The following SPATA22 variants were observed in gnomAD, a reference collection of about 807,000 sequenced individuals.
SPATA22 encodes the protein spermatogenesis-associated protein 22.
SPATA22 carries 29 observed loss-of-function variants against 47.8 expected under a neutral mutation model. That is an observed-to-expected ratio of 0.61 (90% CI 0.45 to 0.83). The LOEUF (loss-of-function observed/expected upper bound fraction) is 0.83, where lower values mean the gene tolerates loss of function less well. SPATA22 is among the 40% of genes least tolerant of loss of function. The pLI, the probability that SPATA22 is intolerant of heterozygous loss-of-function variation, is 0.00. For synonymous variants in SPATA22, 133 were observed against 140.9 expected, an observed-to-expected ratio of 0.94 and a Z score of 0.40; for missense variants, 410 against 421.7, an observed-to-expected ratio of 0.97 and a Z score of 0.24.
Position 3,471,770 on chromosome 17 carries a change from C to A in SPATA22, c.-162G>T, listed in dbSNP as rs2073443145. The A allele has an allele frequency of 3.0e-6, 3 of 985,674 alleles. No homozygotes were observed. In the African/African-American group the frequency reaches 5.2e-5, roughly 17 times the overall value. 61.1% of individuals were successfully genotyped at this position (985,674 alleles called of 1,614,324 possible). On this transcript the variant is annotated 5_prime_UTR_variant, in exon 1 of 9. Transcript: ENST00000572969. ...CCTCCGTCAACCGTCGTCCAGGCGG[C>A]CCCGTCAGCAACCGCCGCCCTTCCC...
At chr17:3,498,006 G>A (rs2073936665) in intron 1 of SPATA22, among the ~76,000 whole-genome samples, 1 of 152,100 alleles carries the variant, frequency 6.6e-6, no homozygotes, top group African/African-American at 2.4e-5. Context: ...GGACCCTTCA[G>A]ATAACTCAGT....
chr17:3,493,379 G>A (rs551801872), intron 1 of SPATA22, among the ~76,000 whole-genome samples: 1 of 151,960 alleles, frequency 6.6e-6, no homozygotes, highest in Non-Finnish European at 1.5e-5. Context: ...TGGCCAACAT[G>A]GTGAGACCCC....
chr17:3,440,183 C>A lies in SPATA22; in HGVS notation c.1056G>T (p.Glu352Asp), dbSNP rs1225350869. 2 of 1,608,162 alleles carry A rather than the reference C, an allele frequency of 1.2e-6. No individual in the cohort carries two copies. The highest frequency in any genetic ancestry group is 3.4e-5 in the Admixed American group (2 of 58,980). Residue 352 changes from glutamate (E) to aspartate (D), a missense_variant, in exon 9 of 9, where the codon GAG becomes GAT. Transcript: ENST00000572969. ...FQAFVKIADV[E>D]MQYYINVMNE... ...TCATCACATTAATATAATACTGCAT[C>A]TCAACATCTGCAATTTTGACAAATG... is the stretch of plus-strand genomic sequence containing the variant.
Position 3,462,726 on chromosome 17 carries a change from T to A in SPATA22, c.214A>T (p.Met72Leu). Residue 72 changes from methionine to leucine, a missense_variant, in exon 4 of 9, where the codon ATG becomes TTG. By Grantham distance (15) the Met-to-Leu change is conservative. Transcript: ENST00000572969. ...EAVNPELAPV[M>L]KTVDTGQIPH... Reference sequence around the variant, plus strand: ...ACATACCCGGTGTCCACTGTTTTCATTACAGGAGCCAACTCTGGATTCACA... The same window carrying A: ...ACATACCCGGTGTCCACTGTTTTCAATACAGGAGCCAACTCTGGATTCACA... 1 of 1,613,640 alleles carries A rather than the reference T, an allele frequency of 6.2e-7. No individual in the cohort carries two copies. The highest frequency in any genetic ancestry group is 8.5e-7 in the Non-Finnish European group (1 of 1,179,544).
chr17:3,443,830 T>G (rs1342081109), intron 7 of SPATA22, among the ~76,000 whole-genome samples: 1 of 151,584 alleles, frequency 6.6e-6, no homozygotes, highest in East Asian at 1.9e-4. Context: ...AAATCATTTC[T>G]ACAGTGAGCA....
Position 3,481,667 on chromosome 17 carries a change from G to T in SPATA22, c.-73-12269C>A, listed in dbSNP as rs752153847. 15 of 1,613,636 alleles carry T rather than the reference G, an allele frequency of 9.3e-6. No homozygotes were observed. The Admixed American group carries it at 1.8e-4, about 20-fold the overall frequency. ...GGCTCAAGAAATAAATCATTTATTT[G>T]GTCCAAAAGACAGTGAAGATTCCTA... On this transcript the variant is annotated intron_variant, in intron 1 of 8. Transcript: ENST00000541913.
Position 3,440,301 on chromosome 17 carries a change from T to C in SPATA22, c.938A>G (p.His313Arg), listed in dbSNP as rs773095290. 2 of 1,601,820 alleles carry C rather than the reference T, an allele frequency of 1.2e-6. No homozygotes were observed. The highest frequency in any genetic ancestry group is 1.1e-5 in the South Asian group (1 of 89,346). The change falls in exon 9 of 9, where the codon CAT becomes CGT. Residue 313 changes from histidine to arginine, a missense_variant. Transcript: ENST00000572969. ...ELPRLIRGRV[H>R]RCVGNYDQKK... ...CTGGTCATAGTTGCCAACACATCTA[T>C]GAACTCGGCCTCTAATCAGTCTCGG...
intron 5 of SPATA22, among the ~76,000 whole-genome samples, chr17:3,451,731 A>G (rs1239380760): frequency 2.0e-5 from 3 of 152,002 alleles, no homozygotes; most frequent in Non-Finnish European, 4.4e-5. Context: ...GGCGGATCAC[A>G]AGGCCAAGAG....
At chr17:3,446,407 A>T (rs2072727467) in intron 7 of SPATA22, 65 bp downstream of exon 7, 4 of 1,483,134 alleles carry the variant, frequency 2.7e-6, no homozygotes, top group Non-Finnish European at 3.6e-6. Context: ...AAAAAGGACT[A>T]ATCAGACATT....
At chr17:3,459,684 A>G (rs1477454025) in intron 5 of SPATA22, among the ~76,000 whole-genome samples, 3 of 152,218 alleles carry the variant, frequency 2.0e-5, no homozygotes, top group African/African-American at 4.8e-5. Context: ...CCGGGATTAC[A>G]GGTGTGAGCC....
chr17:3,504,554 CTTTTTTTTTTTT>C (rs34155812), intron 1 of SPATA22, among the ~76,000 whole-genome samples: 1 of 138,668 alleles, frequency 7.2e-6, no homozygotes, highest in African/African-American at 2.7e-5. Flanking sequence ...ATTTTCTTTT[CTTTTTTTTTTTT>C]TTTTTTTTGA....
In SPATA22 at chr17:3,485,845, C is replaced by T. The variant is rs1183077513; in HGVS notation, c.-73-16447G>A. ...ATAGCAGAGTGTCAGCATTTCTGCA[C>T]CATTACCCAAGCTCCAGTTCCCACA... On this transcript the variant is annotated intron_variant, in intron 1 of 8. Transcript: ENST00000541913. The surrounding 1 kb of genome is among the most constrained non-coding windows in gnomAD (Gnocchi z 4.4). 6.6e-6 allele frequency among the ~76,000 whole-genome samples: 1 copy of T among 151,982 alleles called. No individual in the cohort carries two copies. The highest frequency in any genetic ancestry group is 1.5e-5 in the Non-Finnish European group (1 of 68,002).
At position 3,440,238 on chromosome 17, in the gene SPATA22, G is replaced by A. The variant is rs377104896; in HGVS notation, c.1001C>T (p.Ala334Val). The A allele has an allele frequency of 2.1e-5, 34 of 1,611,288 alleles. No individual in the cohort carries two copies. The African/African-American group carries it at 2.5e-4, about 12-fold the overall frequency. The change falls in exon 9 of 9, where the codon GCG (alanine) becomes GTG (valine). Residue 334 changes from alanine (A) to valine (V), a missense_variant. By Grantham distance (64) the Ala-to-Val change is moderately conservative (BLOSUM62 0). Transcript: ENST00000572969. ...NIFQCVSVRPASVSEQKTFQA... is the reference protein window; with the variant it reads ...NIFQCVSVRPVSVSEQKTFQA... ...GAAAGTTTTTTGTTCAGAAACAGAC[G>A]CCGGTCTGACAGAAACACATTGGAA...
At chr17:3,496,804 C>G (rs191586952) in intron 1 of SPATA22, among the ~76,000 whole-genome samples, 1 of 152,180 alleles carries the variant, frequency 6.6e-6, no homozygotes, top group African/African-American at 2.4e-5. Flanking sequence ...CGGTGGCTCA[C>G]GCCTGTAATC....
rs104894549 is a variant in SPATA22, at chr17:3,494,369, C to T, written c.-74+19043G>A. ...TCATAGGAAAAGAATTTCCTCCCTG[C>T]GCCATTGAGGTCTATAAAATTATAG... On this transcript the variant is annotated intron_variant, in intron 1 of 8. Transcript: ENST00000541913. The T allele has an allele frequency of 3.3e-5, 53 of 1,611,052 alleles. No individual in the cohort carries two copies. Among genetic ancestry groups the T allele is most frequent in the Admixed American group, 6.7e-5 (4 of 59,978 alleles).
intron 2 of SPATA22, among the ~76,000 whole-genome samples, chr17:3,467,806 T>A (rs191732018): frequency 3.9e-5 from 6 of 152,284 alleles, no homozygotes; most frequent in Admixed American, 2.6e-4. Context: ...GTAATTCCCA[T>A]CTCCCCCCTC....
intron 5 of SPATA22, among the ~76,000 whole-genome samples, chr17:3,460,761 C>G (rs999988047): frequency 1.4e-5 from 2 of 146,116 alleles, no homozygotes; most frequent in Non-Finnish European, 3.0e-5. Context: ...CCACTGCACT[C>G]CAGCCTGGGC....
chr17:3,472,741 A>G (rs1208793223), upstream of SPATA22, among the ~76,000 whole-genome samples: 1 of 152,222 alleles, frequency 6.6e-6, no homozygotes, highest in African/African-American at 2.4e-5. Context: ...GGGCTTAGAG[A>G]TGAAAGGAAG....
chr17:3,497,377 A>C (rs2073927069), intron 1 of SPATA22, among the ~76,000 whole-genome samples: 1 of 152,114 alleles, frequency 6.6e-6, no homozygotes, highest in East Asian at 1.9e-4. Context: ...GTGAACTATA[A>C]ATGGGTAGCA....
Sources: allele counts gnomAD v4.1 joint callset (sites outside exome capture counted in the v4.1 genomes callset), GRCh38; gene constraint gnomAD v4.1.1; non-coding constraint Gnocchi (gnomAD v3.1); transcripts MANE v1.5; gene names NCBI Gene and HGNC (gene_info 2026-07-23, HGNC 2026-07-21).